Variants in TRHDE observed in about 807,000 individuals in gnomAD.
TRHDE encodes the protein thyrotropin-releasing hormone-degrading ectoenzyme.
In TRHDE, 72 loss-of-function variants were observed where a neutral mutation model predicts 125.7. The ratio of observed to expected loss-of-function variants is 0.57; its 90% CI spans 0.47 to 0.70. The LOEUF (loss-of-function observed/expected upper bound fraction) is 0.70, where lower values mean the gene tolerates loss of function less well. Ranked by LOEUF, TRHDE falls within the 30% of genes least tolerant of loss-of-function variation. The probability of loss-of-function intolerance (pLI) is 0.00; values close to 1 mark genes in which losing one functional copy is unlikely to be tolerated. For missense variants in TRHDE, 1,110 were observed against 1,327.1 expected, an observed-to-expected ratio of 0.84 and a Z score of 2.54; for synonymous variants, 509 against 509.1, an observed-to-expected ratio of 1.00 and a Z score of 0.00.
intron 3 of TRHDE, among the ~76,000 whole-genome samples, chr12:72,452,993 C>A (rs894485702): frequency 3.3e-5 from 5 of 152,128 alleles, no homozygotes; most frequent in African/African-American, 1.2e-4. Context: ...TGAGAACAGC[C>A]TAACACAGAT....
intron 2 of TRHDE, among the ~76,000 whole-genome samples, chr12:72,159,231 A>T (rs1876583085): frequency 6.6e-6 from 1 of 152,234 alleles, no homozygotes; most frequent in African/African-American, 2.4e-5. Flanking sequence ...AAAGTTACTG[A>T]TAATTAACCA....
chr12:72,498,494 T>C (rs1414006436), intron 5 of TRHDE, among the ~76,000 whole-genome samples: 1 of 152,188 alleles, frequency 6.6e-6, no homozygotes, highest in East Asian at 1.9e-4. Flanking sequence ...TCTTAATCTC[T>C]GTAATGATAC....
intron 2 of TRHDE, among the ~76,000 whole-genome samples, chr12:72,293,131 G>A (rs773817115): frequency 6.6e-6 from 1 of 151,940 alleles, no homozygotes; most frequent in Non-Finnish European, 1.5e-5. Flanking sequence ...TCTACCAATG[G>A]TCTCTCTGAG....
At chr12:72,464,049 A>G (rs888747844) in intron 3 of TRHDE, among the ~76,000 whole-genome samples, 1 of 152,172 alleles carries the variant, frequency 6.6e-6, no homozygotes, top group African/African-American at 2.4e-5. Flanking sequence ...GGCTTTCTTA[A>G]CTTTCCTTTA....
chr12:72,363,259 C>A (rs911419295), intron 2 of TRHDE, among the ~76,000 whole-genome samples: 2 of 151,820 alleles, frequency 1.3e-5, no homozygotes, highest in African/African-American at 4.8e-5. Context: ...GGAATCCTCC[C>A]CAACTCATTT....
intron 10 of TRHDE, 102 bp downstream of exon 10, chr12:72,568,758 T>C: frequency 2.9e-6 from 2 of 678,896 alleles, no homozygotes; most frequent in South Asian, 4.8e-5. Flanking sequence ...TAAAGACAAA[T>C]TAGAAAGAGA....
At chr12:72,146,094 A>G (rs1876220251) in intron 2 of TRHDE, among the ~76,000 whole-genome samples, 1 of 152,224 alleles carries the variant, frequency 6.6e-6, no homozygotes, top group Non-Finnish European at 1.5e-5. Context: ...TAAAATAAGG[A>G]CCATGTGCTA....
chr12:72,538,406 C>T (rs780115697), intron 6 of TRHDE, among the ~76,000 whole-genome samples: 3 of 151,918 alleles, frequency 2.0e-5, no homozygotes, highest in Non-Finnish European at 4.4e-5. Context: ...GTCATTTCTT[C>T]GTTGATTTCA....
At chr12:72,413,422 A>G (rs73342702) in intron 3 of TRHDE, among the ~76,000 whole-genome samples, 1,591 of 150,700 alleles carry the variant, frequency 0.011, 38 homozygotes, top group African/African-American at 0.037. Flanking sequence ...GTATGAAAAA[A>G]GAATATAAAA....
chr12:72,301,479 G>T (rs553180426), intron 2 of TRHDE, among the ~76,000 whole-genome samples: 154 of 152,240 alleles, frequency 1.0e-3, no homozygotes, highest in Non-Finnish European at 1.8e-3. Context: ...AGAATTTAGG[G>T]ATCCTATTAA....
Position 72,093,227 on chromosome 12 carries a change from TTTC to T in TRHDE, n.174+5794_174+5796del, listed in dbSNP as rs1466755952. Among the ~76,000 whole-genome samples the T allele has an allele frequency of 3.9e-5, 6 of 152,340 alleles. No individual in the cohort carries two copies. In the East Asian group the frequency reaches 5.8e-4, roughly 15 times the overall value. On this transcript the variant is annotated intron_variant and non_coding_transcript_variant, in intron 1 of 4. Coordinates refer to the TRHDE transcript ENST00000548156. The stretch of plus-strand genomic sequence containing the variant: ...GGTTTCTTTATTTGTGATGAATCTC[TTTC>T]TTCTTGCTGCATTCAAAATTTCCTT...
chr12:72,582,613 GT>G, intron 12 of TRHDE: 1 of 985,418 alleles, frequency 1.0e-6, no homozygotes, highest in Non-Finnish European at 1.2e-6. Flanking sequence ...GGCTAGATGA[GT>G]AGCAGTTTTT....
At chr12:72,540,488 C>T (rs946447925) in intron 6 of TRHDE, among the ~76,000 whole-genome samples, 2 of 151,668 alleles carry the variant, frequency 1.3e-5, no homozygotes, top group Admixed American at 6.6e-5. Context: ...ACCAAGTCAT[C>T]ATTACCTGGG....
chr12:72,306,855 A>T (rs1020313191), intron 2 of TRHDE: 2 of 152,168 alleles, frequency 1.3e-5, no homozygotes, highest in Admixed American at 6.5e-5. Context: ...GGATGTTAGG[A>T]AAGGCCTCTC....
intron 5 of TRHDE, among the ~76,000 whole-genome samples, chr12:72,477,209 C>T (rs1177791648): frequency 6.6e-6 from 1 of 152,036 alleles, no homozygotes. Flanking sequence ...CATCATGGGC[C>T]TGGGAAAATG....
At chr12:72,547,554 T>A (rs990593578) in intron 7 of TRHDE, among the ~76,000 whole-genome samples, 2 of 151,828 alleles carry the variant, frequency 1.3e-5, no homozygotes, top group Non-Finnish European at 2.9e-5. Context: ...AACTTACGAA[T>A]TTAGCCTTTG....
chr12:72,279,584 G>A (rs1879619697), intron 1 of TRHDE, among the ~76,000 whole-genome samples: 1 of 152,170 alleles, frequency 6.6e-6, no homozygotes, highest in Non-Finnish European at 1.5e-5. Context: ...ATTCAAACGT[G>A]AAAAATACTT....
chr12:72,432,511 C>T (rs966760822), intron 3 of TRHDE, among the ~76,000 whole-genome samples: 4 of 152,172 alleles, frequency 2.6e-5, no homozygotes, highest in African/African-American at 4.8e-5. Context: ...GGTTATAGGA[C>T]AGCTGCCTTC....
At chr12:72,425,597 A>G (rs1240939748) in intron 3 of TRHDE, among the ~76,000 whole-genome samples, 1 of 152,096 alleles carries the variant, frequency 6.6e-6, no homozygotes, top group East Asian at 1.9e-4. Context: ...ACAGGATTGA[A>G]GATAAGTGGA....
Sources: allele counts gnomAD v4.1 joint callset (sites outside exome capture counted in the v4.1 genomes callset), GRCh38; gene constraint gnomAD v4.1.1; transcripts MANE v1.5; gene names NCBI Gene and HGNC (gene_info 2026-07-23, HGNC 2026-07-21).